Variants in DTNB observed in about 807,000 individuals in gnomAD.
DTNB encodes the protein dystrobrevin beta, also known as DTN-B.
DTNB carries 63 observed loss-of-function variants against 90.7 expected under a neutral mutation model. That is an observed-to-expected ratio of 0.69 (90% CI 0.57 to 0.86). DTNB has a LOEUF of 0.86. Among genes scored for constraint, DTNB ranks in the 40% least tolerant of loss-of-function variants. The pLI is 0.00. For synonymous variants in DTNB, 277 were observed against 286.7 expected, an observed-to-expected ratio of 0.97 and a Z score of 0.34; for missense variants, 744 against 807.1, an observed-to-expected ratio of 0.92 and a Z score of 0.95.
chr2:25,445,760 T>C (rs1490974705), intron 12 of DTNB, among the ~76,000 whole-genome samples: 1 of 152,138 alleles, frequency 6.6e-6, no homozygotes. Context: ...TCTGTTGTTT[T>C]GGCTTCAGCT....
intron 4 of DTNB, among the ~76,000 whole-genome samples, chr2:25,621,700 G>A (rs1194438239): frequency 4.2e-5 from 6 of 144,226 alleles, no homozygotes; most frequent in African/African-American, 1.3e-4. Flanking sequence ...CAGGTGATCC[G>A]CCTGTCTCAG....
intron 1 of DTNB, among the ~76,000 whole-genome samples, chr2:25,667,140 T>C (rs1413862093): frequency 1.4e-5 from 2 of 145,604 alleles, no homozygotes; most frequent in Non-Finnish European, 3.0e-5. Context: ...GAAAACAAAA[T>C]TAAAAAAAAA....
chr2:25,619,675 A>C (rs1397660028), intron 4 of DTNB, among the ~76,000 whole-genome samples: 1 of 152,202 alleles, frequency 6.6e-6, no homozygotes, highest in African/African-American at 2.4e-5. Flanking sequence ...TAATAATATA[A>C]ACAAGAACTG....
chr2:25,387,696 G>A lies in DTNB; in HGVS notation c.1736-318C>T, dbSNP rs1433016785. On this transcript the variant is annotated intron_variant, in intron 17 of 20. Coordinates refer to ENST00000406818, the MANE Select transcript of DTNB (RefSeq NM_021907.5). The surrounding 1 kb of genome is among the most constrained non-coding windows in gnomAD (Gnocchi z 4.5). ...TCTTCCTCAGCCTTGTGGGGGTGGG[G>A]CTGTACTCTCCACAACCACCACTAC... Among the ~76,000 whole-genome samples the A allele has an allele frequency of 1.3e-5, 2 of 152,112 alleles. No individual in the cohort carries two copies. Among genetic ancestry groups the A allele is most frequent in the Admixed American group, 1.3e-4 (2 of 15,276 alleles).
intron 1 of DTNB, among the ~76,000 whole-genome samples, chr2:25,668,165 G>A (rs1405068338): frequency 6.6e-6 from 1 of 152,126 alleles, no homozygotes; most frequent in African/African-American, 2.4e-5. Flanking sequence ...TGTGAATCCG[G>A]GAGGCAGAGC....
intron 9 of DTNB, among the ~76,000 whole-genome samples, chr2:25,522,500 C>T (rs1170162034): frequency 3.9e-5 from 6 of 151,968 alleles, no homozygotes; most frequent in Non-Finnish European, 8.8e-5. Context: ...AATAGGAATT[C>T]GGCGGAGAAC....
At chr2:25,593,582 T>G (rs116384576) in intron 6 of DTNB, among the ~76,000 whole-genome samples, 1 of 152,272 alleles carries the variant, frequency 6.6e-6, no homozygotes, top group African/African-American at 2.4e-5. Context: ...AAAATGCAGA[T>G]TGATTTTTTT....
intron 1 of DTNB, among the ~76,000 whole-genome samples, chr2:25,658,008 G>A (rs770504227): frequency 1.7e-4 from 26 of 152,184 alleles, no homozygotes; most frequent in Middle Eastern, 3.4e-3. Context: ...CGTAATCCCA[G>A]CACTTTGGGA....
intron 12 of DTNB, 121 bp from the exon 13 acceptor site, chr2:25,434,116 C>T (rs1230760343): frequency 3.5e-6 from 3 of 845,972 alleles, no homozygotes; most frequent in Admixed American, 2.8e-5. Context: ...TAAATCCACC[C>T]GTTTTAAGTA....
intron 9 of DTNB, among the ~76,000 whole-genome samples, chr2:25,506,008 A>G (rs72797643): frequency 0.025 from 3,808 of 152,348 alleles, 57 homozygotes; most frequent in Middle Eastern, 0.048. Flanking sequence ...ATGGAACTGA[A>G]GATTATATGT....
chr2:25,592,789 G>T (rs898641401), intron 6 of DTNB, among the ~76,000 whole-genome samples: 2 of 152,164 alleles, frequency 1.3e-5, no homozygotes, highest in Admixed American at 1.3e-4. Context: ...GGAAAACAGA[G>T]TTGGAACAAC....
chr2:25,459,063 G>T (rs2060519008), intron 10 of DTNB, among the ~76,000 whole-genome samples: 1 of 150,472 alleles, frequency 6.6e-6, no homozygotes, highest in African/African-American at 2.4e-5. Flanking sequence ...CTTTTTAAAT[G>T]TTTTATTCAT....
At chr2:25,440,354 A>G (rs2057083840) in intron 12 of DTNB, among the ~76,000 whole-genome samples, 1 of 152,260 alleles carries the variant, frequency 6.6e-6, no homozygotes, top group African/African-American at 2.4e-5. Context: ...GACTCCATAG[A>G]GATGGGCTTC....
intron 9 of DTNB, among the ~76,000 whole-genome samples, chr2:25,517,943 C>A (rs1266607175): frequency 6.6e-6 from 1 of 152,126 alleles, no homozygotes; most frequent in African/African-American, 2.4e-5. Flanking sequence ...GGGCATTATA[C>A]TAAGTGAAAT....
intron 9 of DTNB, among the ~76,000 whole-genome samples, chr2:25,516,300 G>A (rs1160204482): frequency 6.6e-6 from 1 of 152,110 alleles, no homozygotes; most frequent in African/African-American, 2.4e-5. Context: ...AGGCTGGAGT[G>A]CAGTGGTATA....
intron 2 of DTNB, among the ~76,000 whole-genome samples, chr2:25,644,332 T>C (rs2078985767): frequency 6.6e-6 from 1 of 152,108 alleles, no homozygotes; most frequent in African/African-American, 2.4e-5. Context: ...AGTAAGTGTA[T>C]TGTGTTTAAA....
In DTNB at chr2:25,482,702, G is replaced by T. The variant is rs542866900; in HGVS notation, c.1079+94C>A. 7.8e-5 allele frequency: 100 copies of T among 1,284,478 alleles called. No individual in the cohort carries two copies. In the South Asian group the frequency reaches 1.0e-3, roughly 13 times the overall value. 79.6% of individuals were successfully genotyped at this position (1,284,478 alleles called of 1,614,324 possible). A position where few individuals can be genotyped will look rare whatever the true frequency, so the allele number is the denominator to read the frequency against. On this transcript the variant is annotated intron_variant, in intron 10 of 20. Coordinates refer to ENST00000406818, the MANE Select transcript of DTNB (RefSeq NM_021907.5). ...GCAAACCAGTCCTTTCTGCCCTGTG[G>T]AACAACCTGCTTTTCAGGCCTCATT...
In DTNB at chr2:25,652,817, A is replaced by G. The variant is rs531936665; in HGVS notation, c.-1-156T>C. ...TAAACTGGAAGCCTGATTCAGAAAA[A>G]GATAAACTGCCATCCTTTTATTTGA... On this transcript the variant is annotated intron_variant, in intron 1 of 20. Transcript: ENST00000406818. The G allele has an allele frequency of 9.2e-5, 54 of 587,990 alleles. 1 individual carries two copies. In the South Asian group the frequency reaches 1.6e-3, roughly 17 times the overall value. The allele number at this position is 587,990 out of a possible 1,614,324, so 36.4% of individuals were successfully genotyped here.
intron 13 of DTNB, 25 bp from the exon 14 acceptor site, chr2:25,433,024 G>A (rs375182541): frequency 2.0e-4 from 317 of 1,575,128 alleles, no homozygotes; most frequent in Non-Finnish European, 2.5e-4. Flanking sequence ...TGAACGGAAA[G>A]GGGCTGCACA....
Sources: allele counts gnomAD v4.1 joint callset (sites outside exome capture counted in the v4.1 genomes callset), GRCh38; gene constraint gnomAD v4.1.1; non-coding constraint Gnocchi (gnomAD v3.1); transcripts MANE v1.5; gene names NCBI Gene and HGNC (gene_info 2026-07-23, HGNC 2026-07-21).